Variants in COG5 observed in about 807,000 individuals in gnomAD.
COG5 encodes component of oligomeric golgi complex 5.
In COG5, 86 loss-of-function variants were observed where a neutral mutation model predicts 110.4. That is an observed-to-expected ratio of 0.78 (90% CI 0.65 to 0.93). The LOEUF (loss-of-function observed/expected upper bound fraction) is 0.93, where lower values mean the gene tolerates loss of function less well. Ranked by LOEUF, COG5 falls within the 40% of genes least tolerant of loss-of-function variation. COG5 has a pLI of 0.00. For missense variants in COG5, 1,077 were observed against 987.0 expected (o/e 1.09, Z -1.22); for synonymous variants, 360 against 334.6 (o/e 1.08, Z -0.83).
At chr7:107,244,958 A>G (rs575303478) in intron 17 of COG5, among the ~76,000 whole-genome samples, 3 of 152,304 alleles carry the variant, frequency 2.0e-5, no homozygotes, top group African/African-American at 7.2e-5. Context: ...CTATGAGGCC[A>G]GCATCATCTT....
At chr7:107,517,179 G>GA (rs1346281971) in intron 6 of COG5, among the ~76,000 whole-genome samples, 1 of 151,926 alleles carries the variant, frequency 6.6e-6, no homozygotes, top group Non-Finnish European at 1.5e-5. Flanking sequence ...TGATGCAGCT[G>GA]AAAAACTTAG....
intron 6 of COG5, among the ~76,000 whole-genome samples, chr7:107,501,364 A>C (rs1437222937): frequency 6.6e-6 from 1 of 152,132 alleles, no homozygotes; most frequent in African/African-American, 2.4e-5. Flanking sequence ...CTTAAGCTAA[A>C]TAAATTGTTC....
intron 12 of COG5, among the ~76,000 whole-genome samples, chr7:107,297,509 C>T (rs570060372): frequency 1.6e-5 from 2 of 128,220 alleles, no homozygotes; most frequent in South Asian, 2.5e-4. Context: ...AGTGCAGTGA[C>T]GTGATCTCAG....
intron 10 of COG5, among the ~76,000 whole-genome samples, chr7:107,353,892 A>G (rs990643838): frequency 2.8e-4 from 42 of 152,134 alleles, no homozygotes; most frequent in Non-Finnish European, 4.4e-4. Context: ...GAACATTCCT[A>G]AGATTACACT....
intron 8 of COG5, among the ~76,000 whole-genome samples, chr7:107,368,489 G>T (rs1813829083): frequency 6.6e-6 from 1 of 152,008 alleles, no homozygotes; most frequent in Non-Finnish European, 1.5e-5. Flanking sequence ...ACATAAACAG[G>T]TTTCTGGATC....
chr7:107,425,964 A>G (rs1019374352), intron 6 of COG5, among the ~76,000 whole-genome samples: 2 of 152,206 alleles, frequency 1.3e-5, no homozygotes, highest in African/African-American at 4.8e-5. Context: ...GGAGAATGCT[A>G]TGTGAAGACA....
At chr7:107,414,074 T>C (rs755560569) in intron 6 of COG5, among the ~76,000 whole-genome samples, 19 of 152,222 alleles carry the variant, frequency 1.2e-4, no homozygotes, top group Non-Finnish European at 2.2e-4. Context: ...AATTTGCACA[T>C]TGAAAGGGTA....
At position 107,294,950 on chromosome 7, in the gene COG5, C is replaced by T. The variant is rs1315303558; in HGVS notation, c.1313+3192G>A. 1.8e-3 allele frequency among the ~76,000 whole-genome samples: 149 copies of T among 84,936 alleles called. 1 individual carries two copies. The highest frequency in any genetic ancestry group is 4.5e-3 in the African/African-American group (121 of 27,122). 55.7% of individuals were successfully genotyped at this position (84,936 alleles called of 152,430 possible). On this transcript the variant is annotated intron_variant, in intron 12 of 21. Transcript: ENST00000297135. ...ATATATACACACACACACACACACA[C>T]ATATATATATACACACATATATATA...
At chr7:107,377,388 T>C (rs1055823737) in intron 7 of COG5, among the ~76,000 whole-genome samples, 2 of 152,214 alleles carry the variant, frequency 1.3e-5, no homozygotes, top group Non-Finnish European at 2.9e-5. Flanking sequence ...TAACTTTTTT[T>C]AGTTTTTGTT....
At chr7:107,478,738 G>GA (rs1415943807) in intron 6 of COG5, among the ~76,000 whole-genome samples, 1 of 151,892 alleles carries the variant, frequency 6.6e-6, no homozygotes, top group Non-Finnish European at 1.5e-5. Context: ...ATGTATACCT[G>GA]AAGATAAGGG....
intron 17 of COG5, among the ~76,000 whole-genome samples, chr7:107,237,489 A>G (rs570543117): frequency 6.6e-6 from 1 of 152,352 alleles, no homozygotes; most frequent in East Asian, 1.9e-4. Flanking sequence ...AAGTGTTTCC[A>G]TATTCTGAGA....
At chr7:107,408,813 A>G (rs1792059683) in intron 7 of COG5, among the ~76,000 whole-genome samples, 2 of 152,156 alleles carry the variant, frequency 1.3e-5, no homozygotes, top group African/African-American at 4.8e-5. Context: ...TATATAAAAC[A>G]CCAGTGGGCA....
At chr7:107,242,265 G>T (rs1179082816) in intron 17 of COG5, among the ~76,000 whole-genome samples, 1 of 152,168 alleles carries the variant, frequency 6.6e-6, no homozygotes, top group East Asian at 1.9e-4. Flanking sequence ...AAGCAAAACA[G>T]GACAACGCCT....
intron 3 of COG5, among the ~76,000 whole-genome samples, chr7:107,549,833 T>TAA (rs1802757911): frequency 6.6e-6 from 1 of 152,148 alleles, no homozygotes; most frequent in African/African-American, 2.4e-5. Context: ...TCTGCTCTTC[T>TAA]CCATCTACAA....
intron 6 of COG5, among the ~76,000 whole-genome samples, chr7:107,460,398 GA>G (rs577518168): frequency 1.5e-4 from 21 of 141,066 alleles, no homozygotes; most frequent in Admixed American, 3.5e-4. Flanking sequence ...GCCTCAAAAA[GA>G]AAAAAAAAAC....
chr7:107,435,176 A>C (rs1230994540), intron 6 of COG5, among the ~76,000 whole-genome samples: 1 of 152,120 alleles, frequency 6.6e-6, no homozygotes, highest in African/African-American at 2.4e-5. Flanking sequence ...AGAGCTGTTA[A>C]ATAGGTATAG....
chr7:107,386,873 G>A (rs1267514459), intron 7 of COG5, among the ~76,000 whole-genome samples: 2 of 152,122 alleles, frequency 1.3e-5, no homozygotes, highest in Non-Finnish European at 2.9e-5. Flanking sequence ...TTATACAACA[G>A]AGAGCCTAAA....
chr7:107,280,470 T>C (rs1039282010), intron 14 of COG5, among the ~76,000 whole-genome samples: 1 of 152,040 alleles, frequency 6.6e-6, no homozygotes, highest in African/African-American at 2.4e-5. Flanking sequence ...TAGATAAAAG[T>C]AGATTATTTT....
chr7:107,505,249 G>C (rs966912114), intron 6 of COG5, among the ~76,000 whole-genome samples: 1 of 152,208 alleles, frequency 6.6e-6, no homozygotes, highest in African/African-American at 2.4e-5. Flanking sequence ...AAGCAGGTGG[G>C]TAAATGCAAT....
Sources: gnomAD v4.1 joint callset for allele counts (sites outside exome capture counted in the v4.1 genomes callset) on GRCh38, gnomAD v4.1.1 for gene constraint, MANE v1.5 for transcripts, NCBI Gene and HGNC (gene_info 2026-07-23, HGNC 2026-07-21) for gene names.